NGLY1: variants seen among roughly 807,000 people sequenced by gnomAD.
NGLY1 encodes the protein N-glycanase 1.
NGLY1 carries 68 observed loss-of-function variants against 84.6 expected under a neutral mutation model. The observed-to-expected ratio is 0.80, with a 90% CI of 0.66 to 0.98. The LOEUF is 0.98. Ranked by LOEUF, NGLY1 falls within the 50% of genes least tolerant of loss-of-function variation. NGLY1 has a pLI of 0.00. For missense variants in NGLY1, 779 were observed against 770.2 expected, an observed-to-expected ratio of 1.01 and a Z score of -0.14; for synonymous variants, 280 against 275.2, an observed-to-expected ratio of 1.02 and a Z score of -0.17.
At chr3:25,782,483 T>C (rs370775961) in intron 1 of NGLY1, among the ~76,000 whole-genome samples, 2 of 152,282 alleles carry the variant, frequency 1.3e-5, no homozygotes, top group South Asian at 2.1e-4. Flanking sequence ...TGGGTACTTA[T>C]TCAAAATGAA....
intron 1 of NGLY1, among the ~76,000 whole-genome samples, chr3:25,781,020 C>T (rs1708391021): frequency 2.0e-5 from 3 of 151,882 alleles, no homozygotes; most frequent in Non-Finnish European, 4.4e-5. Flanking sequence ...GCCATCAAAG[C>T]TAGAATGCAG....
chr3:25,767,664 T>C (rs563642536), intron 2 of NGLY1, among the ~76,000 whole-genome samples: 59 of 152,300 alleles, frequency 3.9e-4, no homozygotes, highest in African/African-American at 1.3e-3. Context: ...CCTAAAAGTA[T>C]CCAGAATTTT....
chr3:25,731,801 CAAGCT>C (rs1705551311), intron 9 of NGLY1, among the ~76,000 whole-genome samples: 1 of 152,066 alleles, frequency 6.6e-6, no homozygotes, highest in Admixed American at 6.6e-5. Context: ...TTACACAAAA[CAAGCT>C]ATATACAAAA....
intron 4 of NGLY1, among the ~76,000 whole-genome samples, chr3:25,748,600 T>C (rs531640718): frequency 6.6e-6 from 1 of 152,202 alleles, no homozygotes; most frequent in Non-Finnish European, 1.5e-5. Context: ...ATGAAGAAAC[T>C]GAGTCATAGA....
intron 4 of NGLY1, among the ~76,000 whole-genome samples, chr3:25,743,725 A>G (rs1025376499): frequency 6.6e-6 from 1 of 152,226 alleles, no homozygotes; most frequent in African/African-American, 2.4e-5. Flanking sequence ...AATATTACTT[A>G]GAATTGTAAT....
In NGLY1 at chr3:25,739,584, A is replaced by G. The variant is rs375575749; in HGVS notation, c.874T>C (p.Phe292Leu). ...YCDACQFSNRFPRYNNPEKLL... is the reference protein window; with the variant it reads ...YCDACQFSNRLPRYNNPEKLL... ...ACCATCCAGGGCACCCACCTTGGGA[A>G]TCGATTGCTGAACTGGCAGGCATCA... is the stretch of plus-strand genomic sequence containing the variant. Residue 292 changes from phenylalanine to leucine, a missense_variant, in exon 5 of 12, where the codon TTC becomes CTC. Coordinates refer to ENST00000280700, the MANE Select transcript of NGLY1 (RefSeq NM_018297.4). 3 of 1,614,092 alleles carry G rather than the reference A, an allele frequency of 1.9e-6. No individual in the cohort carries two copies. Among genetic ancestry groups the G allele is most frequent in the Non-Finnish European group, 2.5e-6 (3 of 1,179,970 alleles).
chr3:25,777,680 A>G (rs1708220559), intron 2 of NGLY1: 3 of 152,144 alleles, frequency 2.0e-5, no homozygotes. Context: ...CTGCCATGCA[A>G]AGTACTTTTT....
upstream of NGLY1, among the ~76,000 whole-genome samples, chr3:25,785,294 A>G (rs1170387147): frequency 3.3e-5 from 5 of 152,086 alleles, no homozygotes; most frequent in Admixed American, 3.3e-4. Context: ...AAAATAAAAA[A>G]AAAATTTAAA....
chr3:25,729,435 T>C lies in NGLY1; in HGVS notation c.1426-117A>G, dbSNP rs186513785. 277 of 525,122 alleles carry C rather than the reference T, an allele frequency of 5.3e-4. 1 individual carries two copies. In the Middle Eastern group the frequency reaches 5.4e-3, roughly 10 times the overall value. The allele number at this position is 525,122 out of a possible 1,614,324, so 32.5% of individuals were successfully genotyped here. A position where few individuals can be genotyped will look rare whatever the true frequency, so the allele number is the denominator to read the frequency against. On this transcript the variant is annotated intron_variant, in intron 9 of 11. Coordinates refer to ENST00000280700, the MANE Select transcript of NGLY1 (RefSeq NM_018297.4). ...TTCAAAATTGAAAAGAAAAAATTAG[T>C]GCCATTGGAAAATTTGGAAATTATT...
intron 2 of NGLY1, among the ~76,000 whole-genome samples, chr3:25,775,349 C>T (rs987911929): frequency 2.6e-5 from 4 of 152,174 alleles, no homozygotes; most frequent in Admixed American, 6.5e-5. Flanking sequence ...ATGTTTACTG[C>T]AGCACTATTC....
chr3:25,774,497 A>C (rs1393683987), intron 2 of NGLY1, among the ~76,000 whole-genome samples: 3 of 152,032 alleles, frequency 2.0e-5, no homozygotes, highest in Non-Finnish European at 4.4e-5. Context: ...TGTGGTTCTC[A>C]GGCCAATGGA....
intron 2 of NGLY1, among the ~76,000 whole-genome samples, chr3:25,768,883 A>T (rs1262376284): frequency 6.6e-6 from 1 of 152,084 alleles, no homozygotes; most frequent in Non-Finnish European, 1.5e-5. Context: ...TAAAGCAAAA[A>T]TTGACAAAAG....
intron 3 of NGLY1, among the ~76,000 whole-genome samples, chr3:25,751,495 T>A (rs9810319): frequency 6.6e-6 from 1 of 152,188 alleles, no homozygotes; most frequent in African/African-American, 2.4e-5. Flanking sequence ...CTATTAAGGA[T>A]ATATTTAAAT....
intron 4 of NGLY1, among the ~76,000 whole-genome samples, chr3:25,742,183 T>C (rs1174715297): frequency 1.3e-5 from 2 of 152,184 alleles, no homozygotes; most frequent in African/African-American, 4.8e-5. Context: ...CATTATAATA[T>C]AAAAGTATTA....
chr3:25,719,758 A>G (rs1432486574), intron 11 of NGLY1, 123 bp from the exon 12 acceptor site: 3 of 779,850 alleles, frequency 3.8e-6, no homozygotes, highest in Non-Finnish European at 5.9e-6. Context: ...AAATAAATAC[A>G]AATTATTCTT....
chr3:25,769,994 T>A (rs954140626), intron 2 of NGLY1, among the ~76,000 whole-genome samples: 1 of 152,200 alleles, frequency 6.6e-6, no homozygotes, highest in Non-Finnish European at 1.5e-5. Flanking sequence ...GGCCTTTGCA[T>A]CCACATAGCT....
chr3:25,773,667 C>A (rs1559557352), intron 2 of NGLY1, among the ~76,000 whole-genome samples: 1 of 152,054 alleles, frequency 6.6e-6, no homozygotes, highest in East Asian at 1.9e-4. Context: ...CTAGTGTGAT[C>A]TTTTGGGGAT....
intron 10 of NGLY1, among the ~76,000 whole-genome samples, chr3:25,723,144 A>T (rs989957429): frequency 1.3e-5 from 2 of 152,138 alleles, no homozygotes; most frequent in African/African-American, 4.8e-5. Flanking sequence ...TACTCCAATA[A>T]CTGCCTTAAT....
chr3:25,748,045 G>GCCTC (rs1706528579), intron 4 of NGLY1, among the ~76,000 whole-genome samples: 1 of 152,094 alleles, frequency 6.6e-6, no homozygotes. Context: ...CACAATTAAG[G>GCCTC]CCTCTCCAGG....
Sources: gnomAD v4.1 joint callset for allele counts (sites outside exome capture counted in the v4.1 genomes callset) on GRCh38, gnomAD v4.1.1 for gene constraint, MANE v1.5 for transcripts, NCBI Gene and HGNC (gene_info 2026-07-23, HGNC 2026-07-21) for gene names.